GNPTAB: variants seen among roughly 807,000 people sequenced by gnomAD.
GNPTAB encodes the protein N-acetylglucosamine-1-phosphate transferase subunits alpha and beta.
A neutral mutation model predicts 136.6 loss-of-function variants in GNPTAB; 92 were observed. The ratio of observed to expected loss-of-function variants is 0.67; its 90% CI spans 0.57 to 0.80. The LOEUF (loss-of-function observed/expected upper bound fraction) is 0.80. Ranked by LOEUF, GNPTAB falls within the 30% of genes least tolerant of loss-of-function variation. The pLI, the probability that GNPTAB is intolerant of heterozygous loss-of-function variation, is 0.00. For missense variants in GNPTAB, 1,343 were observed against 1,501.8 expected, an observed-to-expected ratio of 0.89 and a Z score of 1.75; for synonymous variants, 512 against 535.1, an observed-to-expected ratio of 0.96 and a Z score of 0.60.
intron 2 of GNPTAB, among the ~76,000 whole-genome samples, chr12:101,794,917 A>G (rs906972202): frequency 6.6e-6 from 1 of 152,166 alleles, no homozygotes; most frequent in African/African-American, 2.4e-5. Flanking sequence ...TAAATAATTA[A>G]TTAATTTTTA....
intron 1 of GNPTAB, among the ~76,000 whole-genome samples, chr12:101,801,539 CAAAAAAAAAAAAA>C (rs36066248): frequency 1.9e-3 from 81 of 42,594 alleles, no homozygotes; most frequent in East Asian, 6.2e-3. Flanking sequence ...GACCCTGTCT[CAAAAAAAAAAAAA>C]AAAAAAAAAA....
intron 4 of GNPTAB, among the ~76,000 whole-genome samples, chr12:101,787,256 G>A (rs1207016770): frequency 6.6e-6 from 1 of 152,142 alleles, no homozygotes; most frequent in Non-Finnish European, 1.5e-5. Flanking sequence ...CCAACATTTA[G>A]TAAATTACAG....
chr12:101,821,603 G>T (rs750978315), intron 1 of GNPTAB, among the ~76,000 whole-genome samples: 9 of 152,158 alleles, frequency 5.9e-5, no homozygotes, highest in Non-Finnish European at 1.3e-4. Context: ...AGGAGGTGGC[G>T]ATCAGAGGAG....
intron 5 of GNPTAB, among the ~76,000 whole-genome samples, chr12:101,784,450 G>A (rs997576679): frequency 6.6e-6 from 1 of 152,150 alleles, no homozygotes; most frequent in Non-Finnish European, 1.5e-5. Flanking sequence ...ACACCAGGAA[G>A]AGAAGTTTGT....
rs140600142 is a variant in GNPTAB at position 101,830,832 on chromosome 12, G to C, written c.-157C>G. 2 of 208,024 alleles carry C rather than the reference G, an allele frequency of 9.6e-6. No homozygotes were observed. The highest frequency in any genetic ancestry group is 2.4e-5 in the African/African-American group (1 of 41,948). The allele number at this position is 208,024 out of a possible 1,614,324, so 12.9% of individuals were successfully genotyped here. The stretch of plus-strand genomic sequence containing the variant: ...ATTGCAGCTCCGGCGACGGACGCCC[G>C]CTCGGCTCCGCGCCGCGGCCGCCGC... On this transcript the variant is annotated 5_prime_UTR_variant, in exon 1 of 21. Transcript: ENST00000299314.
chr12:101,767,456 C>A (rs1478455754), intron 11 of GNPTAB, among the ~76,000 whole-genome samples: 1 of 152,176 alleles, frequency 6.6e-6, no homozygotes, highest in Admixed American at 6.5e-5. Context: ...CTATAAGAAC[C>A]AGTTAGAGTG....
chr12:101,765,116 T>C lies in GNPTAB; in HGVS notation c.1801A>G (p.Ile601Val), dbSNP rs1406478775. 5.6e-6 allele frequency: 9 copies of C among 1,614,076 alleles called. No individual in the cohort carries two copies. The Admixed American group carries it at 1.0e-4, about 18-fold the overall frequency. The change falls in exon 13 of 21, where the codon ATA becomes GTA. Residue 601 changes from isoleucine to valine, a missense_variant. Physicochemically the swap from Ile to Val is conservative, Grantham distance 29. Coordinates refer to ENST00000299314, the MANE Select transcript of GNPTAB (RefSeq NM_024312.5). ...GTGGCATTCATTCCACTGTGCATTA[T>C]GAGGTGGATGGTTTTCCACTTGTTG... Reference protein sequence around the residue: ...IANKWKTIHLIMHSGMNATTI... With the variant: ...IANKWKTIHLVMHSGMNATTI...
chr12:101,751,025 A>C (rs527856654), intron 19 of GNPTAB, among the ~76,000 whole-genome samples: 51 of 152,220 alleles, frequency 3.4e-4, no homozygotes, highest in Middle Eastern at 3.4e-3. Context: ...TCACCACTCC[A>C]ACCTCCCCAC....
At chr12:101,780,115 T>C (rs149819934) in intron 7 of GNPTAB, 37 bp downstream of exon 7, 1 of 1,591,490 alleles carries the variant, frequency 6.3e-7, no homozygotes, top group South Asian at 1.1e-5. Context: ...TAAATGAGAA[T>C]GTGCCAGGCT....
intron 1 of GNPTAB, among the ~76,000 whole-genome samples, chr12:101,827,065 A>G (rs1384605396): frequency 6.8e-6 from 1 of 146,754 alleles, no homozygotes; most frequent in Non-Finnish European, 1.5e-5. Context: ...CTCCTGCCAC[A>G]GCCTCCTGCC....
rs1869120865 is a variant in GNPTAB at position 101,793,665 on chromosome 12, T to C, written c.203+3012A>G. Among the ~76,000 whole-genome samples the C allele has an allele frequency of 2.6e-5, 4 of 152,180 alleles. No homozygotes were observed. The South Asian group carries it at 8.3e-4, about 31-fold the overall frequency. On this transcript the variant is annotated intron_variant, in intron 2 of 20. Coordinates refer to ENST00000299314, the MANE Select transcript of GNPTAB (RefSeq NM_024312.5). ...TTATCTTGGAGCTGAAAACTAAGAC[T>C]AAGTCACTCATAACTCAGAACCAAA...
chr12:101,811,830 G>T (rs996345495), intron 1 of GNPTAB, among the ~76,000 whole-genome samples: 3 of 151,382 alleles, frequency 2.0e-5, no homozygotes, highest in Non-Finnish European at 4.4e-5. Flanking sequence ...GTAGAGATGG[G>T]GTTTCACCAT....
At chr12:101,812,589 A>C (rs1201881012) in intron 1 of GNPTAB, among the ~76,000 whole-genome samples, 4 of 150,916 alleles carry the variant, frequency 2.7e-5, no homozygotes, top group Non-Finnish European at 5.9e-5. Flanking sequence ...GAACCCCCCC[A>C]TCTCTACAAA....
chr12:101,770,474 CAATG>C lies in GNPTAB; in HGVS notation c.1041_1044del (p.Phe347LeufsTer11). 1 of 1,613,846 alleles carries C rather than the reference CAATG, an allele frequency of 6.2e-7. No homozygotes were observed. The highest frequency in any genetic ancestry group is 8.5e-7 in the Non-Finnish European group (1 of 1,179,724). On this transcript the variant is annotated frameshift_variant, in exon 9 of 21. Transcript: ENST00000299314. LOFTEE classifies it high-confidence loss of function. Reference sequence around the variant, plus strand: ...CAGGATGGAATCTGCCCGTTGGTGACAATGAAAATATTCCGAACCCATGGTGCAT... The same window carrying C: ...CAGGATGGAATCTGCCCGTTGGTGACAAAATATTCCGAACCCATGGTGCAT...
At chr12:101,770,907 TCCCC>T in intron 8 of GNPTAB, 85 bp downstream of exon 8, 26 of 1,270,544 alleles carry the variant, frequency 2.0e-5, no homozygotes, top group Non-Finnish European at 2.9e-5. Flanking sequence ...TCTCTGTAAG[TCCCC>T]TTCCCTCTTC....
chr12:101,791,751 G>C (rs1317610133), intron 2 of GNPTAB, among the ~76,000 whole-genome samples: 1 of 152,118 alleles, frequency 6.6e-6, no homozygotes, highest in Non-Finnish European at 1.5e-5. Flanking sequence ...TATCTCGTGG[G>C]AAAATAAATG....
At chr12:101,806,668 CTT>C (rs1869950725) in intron 1 of GNPTAB, among the ~76,000 whole-genome samples, 1 of 152,150 alleles carries the variant, frequency 6.6e-6, no homozygotes, top group Admixed American at 6.5e-5. Context: ...TCTCCACAGA[CTT>C]TATAATTTGG....
At position 101,824,074 on chromosome 12, in the gene GNPTAB, A is replaced by C. The variant is rs530052698; in HGVS notation, c.117+6485T>G. 6.5e-4 allele frequency among the ~76,000 whole-genome samples: 99 copies of C among 152,192 alleles called. 2 individuals are homozygous for C. In the South Asian group the frequency reaches 7.3e-3, roughly 11 times the overall value. ...GCTCTCCTCTCAGTTCACGTGGTTC[A>C]GTTGAGACTGACAGCCCCACCCACT... On this transcript the variant is annotated intron_variant, in intron 1 of 20. Coordinates refer to ENST00000299314, the MANE Select transcript of GNPTAB (RefSeq NM_024312.5).
intron 5 of GNPTAB, among the ~76,000 whole-genome samples, chr12:101,784,603 C>T (rs74464893): frequency 0.012 from 1,780 of 150,626 alleles, 26 homozygotes; most frequent in African/African-American, 0.041. Flanking sequence ...AGCAGGAGTC[C>T]GATTATTGGA....
Sources: allele counts gnomAD v4.1 joint callset (sites outside exome capture counted in the v4.1 genomes callset), GRCh38; gene constraint gnomAD v4.1.1; transcripts MANE v1.5; gene names NCBI Gene and HGNC (gene_info 2026-07-23, HGNC 2026-07-21).